Variants in GRM8 observed in about 807,000 individuals in gnomAD.
The protein encoded by GRM8 is metabotropic glutamate receptor 8.
In GRM8, 47 loss-of-function variants were observed where a neutral mutation model predicts 87.2. That is an observed-to-expected ratio of 0.54 (90% confidence interval 0.43 to 0.69). The LOEUF is 0.69. Among genes scored for constraint, GRM8 ranks in the 30% least tolerant of loss-of-function variants. GRM8 has a pLI of 0.00. For synonymous variants in GRM8, 396 were observed against 404.5 expected, an observed-to-expected ratio of 0.98 and a Z score of 0.25; for missense variants, 1,019 against 1,139.2, an observed-to-expected ratio of 0.89 and a Z score of 1.52.
chr7:126,740,078 G>A (rs1814771506), intron 7 of GRM8, among the ~76,000 whole-genome samples: 1 of 151,976 alleles, frequency 6.6e-6, no homozygotes, highest in Non-Finnish European at 1.5e-5. Context: ...AACTATAATG[G>A]TCTACATTTA....
chr7:127,213,141 T>C (rs1796322018), intron 2 of GRM8, among the ~76,000 whole-genome samples: 1 of 152,226 alleles, frequency 6.6e-6, no homozygotes, highest in Admixed American at 6.5e-5. Context: ...TTCCTCCCAC[T>C]GTCATGACAC....
intron 3 of GRM8, among the ~76,000 whole-genome samples, chr7:126,918,238 T>C (rs1804138668): frequency 6.6e-6 from 1 of 152,120 alleles, no homozygotes; most frequent in Non-Finnish European, 1.5e-5. Flanking sequence ...TTGATATGCA[T>C]CAGAATCAAC....
chr7:126,806,329 A>G (rs1792705527), intron 6 of GRM8, among the ~76,000 whole-genome samples: 1 of 152,218 alleles, frequency 6.6e-6, no homozygotes, highest in African/African-American at 2.4e-5. Context: ...GTGAAGCTGC[A>G]GACCTTTGCC....
chr7:126,798,887 T>TC (rs1822305966), intron 6 of GRM8, among the ~76,000 whole-genome samples: 1 of 152,042 alleles, frequency 6.6e-6, no homozygotes, highest in Admixed American at 6.6e-5. Flanking sequence ...GTGTCTGTGT[T>TC]CAACGAATGT....
chr7:126,511,776 G>A (rs1811411710), intron 9 of GRM8: 1 of 152,162 alleles, frequency 6.6e-6, no homozygotes, highest in African/African-American at 2.4e-5. Flanking sequence ...AACTCTAAGT[G>A]TTAAAGTGAT....
At chr7:126,921,296 A>G (rs1054001675) in intron 3 of GRM8, among the ~76,000 whole-genome samples, 4 of 152,156 alleles carry the variant, frequency 2.6e-5, no homozygotes, top group African/African-American at 9.6e-5. Flanking sequence ...AAGGTATAAG[A>G]GCAAGTAGAG....
intron 3 of GRM8, among the ~76,000 whole-genome samples, chr7:127,074,433 CA>C (rs1822048960): frequency 6.6e-6 from 1 of 152,130 alleles, no homozygotes; most frequent in African/African-American, 2.4e-5. Context: ...AAGAATGAGG[CA>C]GGGGGCTGCT....
At chr7:127,151,999 A>T (rs564201940) in intron 2 of GRM8, among the ~76,000 whole-genome samples, 1 of 152,074 alleles carries the variant, frequency 6.6e-6, no homozygotes, top group African/African-American at 2.4e-5. Flanking sequence ...TCACTTGCCA[A>T]TTGTTGAATT....
At chr7:127,051,552 G>C (rs578088274) in intron 3 of GRM8, among the ~76,000 whole-genome samples, 26 of 151,890 alleles carry the variant, frequency 1.7e-4, no homozygotes, top group Non-Finnish European at 2.6e-4. Context: ...ACTCACACCA[G>C]TGCAAAAACA....
At chr7:126,981,814 A>G (rs1811559194) in intron 3 of GRM8, 1 of 149,962 alleles carries the variant, frequency 6.7e-6, no homozygotes, top group Non-Finnish European at 1.5e-5. Flanking sequence ...TCTTTCCTCC[A>G]TGTCTCATCT....
chr7:126,512,806 C>T (rs1490801891), intron 9 of GRM8: 1 of 152,098 alleles, frequency 6.6e-6, no homozygotes, highest in Non-Finnish European at 1.5e-5. Flanking sequence ...GTTTATTCCA[C>T]TCCAAAATGT....
chr7:127,157,545 A>G (rs569851270), intron 2 of GRM8, among the ~76,000 whole-genome samples: 1 of 152,336 alleles, frequency 6.6e-6, no homozygotes, highest in South Asian at 2.1e-4. Context: ...TGATATAGTA[A>G]TAGGTGTTCT....
Position 126,533,398 on chromosome 7 carries a change from T to G in GRM8, c.1984A>C (p.Ser662Arg). The part of the protein sequence containing the change: ...RVFLGLGMCF[S>R]YAALLTKTNR... ...GTTTTGGTCAGAAGGGCTGCATAGC[T>G]GAAACACATGCCAAGTCCTAGGAAG... Residue 662 changes from serine to arginine, a missense_variant, in exon 9 of 11, where the codon AGC becomes CGC. Physicochemically the swap from Ser to Arg is moderately radical, Grantham distance 110. Transcript: ENST00000339582. 6.2e-7 allele frequency: 1 copy of G among 1,613,994 alleles called. No homozygotes were observed. The highest frequency in any genetic ancestry group is 2.2e-5 in the East Asian group (1 of 44,856).
chr7:127,184,652 A>G (rs1794643909), intron 2 of GRM8, among the ~76,000 whole-genome samples: 1 of 151,942 alleles, frequency 6.6e-6, no homozygotes, highest in South Asian at 2.1e-4. Context: ...TAAGACAAGA[A>G]AAGGAAATAA....
At chr7:126,667,649 A>C (rs962466547) in intron 7 of GRM8, among the ~76,000 whole-genome samples, 1 of 152,210 alleles carries the variant, frequency 6.6e-6, no homozygotes, top group Non-Finnish European at 1.5e-5. Flanking sequence ...CACCTTAATG[A>C]AAAGGAAAAA....
intron 8 of GRM8, among the ~76,000 whole-genome samples, chr7:126,551,247 A>C (rs1034135440): frequency 6.6e-6 from 1 of 152,140 alleles, no homozygotes; most frequent in Non-Finnish European, 1.5e-5. Context: ...TTAAAGGCTC[A>C]CGAGAAAGGT....
intron 2 of GRM8, among the ~76,000 whole-genome samples, chr7:127,163,844 T>A (rs565706536): frequency 6.6e-6 from 1 of 152,046 alleles, no homozygotes; most frequent in Non-Finnish European, 1.5e-5. Context: ...ATAAAAAAAA[T>A]GTTTAAGCAC....
chr7:126,772,514 A>G (rs1275686180), intron 6 of GRM8, among the ~76,000 whole-genome samples: 1 of 152,068 alleles, frequency 6.6e-6, no homozygotes, highest in Non-Finnish European at 1.5e-5. Flanking sequence ...CTGTCATTTC[A>G]ACAACTCGCC....
At chr7:126,852,834 A>G (rs1161452206) in intron 6 of GRM8, among the ~76,000 whole-genome samples, 1 of 152,036 alleles carries the variant, frequency 6.6e-6, no homozygotes, top group Non-Finnish European at 1.5e-5. Context: ...ATGCTTAAAT[A>G]TATGTATTTA....
Sources: allele counts gnomAD v4.1 joint callset (sites outside exome capture counted in the v4.1 genomes callset), GRCh38; gene constraint gnomAD v4.1.1; transcripts MANE v1.5; gene names NCBI Gene and HGNC (gene_info 2026-07-23, HGNC 2026-07-21).